GPR137C: variants seen among roughly 807,000 people sequenced by gnomAD.
The protein encoded by GPR137C is G protein-coupled receptor 137C, also known as integral membrane protein GPR137C.
Under a neutral mutation model 43.4 loss-of-function variants are expected in GPR137C, and 27 were observed. That is an observed-to-expected ratio of 0.62 (90% CI 0.46 to 0.86). GPR137C has a LOEUF of 0.86. Ranked by LOEUF, GPR137C falls within the 40% of genes least tolerant of loss-of-function variation. The probability of loss-of-function intolerance (pLI) is 0.00; values close to 1 mark genes in which losing one functional copy is unlikely to be tolerated. For missense variants in GPR137C, 522 were observed against 534.6 expected (o/e 0.98, Z 0.23); for synonymous variants, 285 against 226.9 (o/e 1.26, Z -2.30).
intron 1 of GPR137C, among the ~76,000 whole-genome samples, chr14:52,594,600 T>C (rs1250704752): frequency 6.6e-6 from 1 of 152,244 alleles, no homozygotes; most frequent in Non-Finnish European, 1.5e-5. Flanking sequence ...TTGATCTTTG[T>C]TGGTTTAAAG....
chr14:52,636,038 C>T lies in GPR137C; in HGVS notation c.*923C>T, dbSNP rs1370284107. The T allele has an allele frequency of 6.6e-6, 1 of 152,024 alleles. No individual in the cohort carries two copies. The highest frequency in any genetic ancestry group is 6.6e-5 in the Admixed American group (1 of 15,246). 9.4% of individuals were successfully genotyped at this position (152,024 alleles called of 1,614,324 possible). On this transcript the variant is annotated 3_prime_UTR_variant, in exon 7 of 7. Coordinates refer to ENST00000321662, the MANE Select transcript of GPR137C (RefSeq NM_001099652.2). Reference sequence around the variant, plus strand: ...CTGAAGCATGATATAGCTGGTCTTACCTAGTGAATCAGGATTGTCCTCAGG... The same window carrying T: ...CTGAAGCATGATATAGCTGGTCTTATCTAGTGAATCAGGATTGTCCTCAGG...
At chr14:52,569,097 A>G (rs1198868949) in intron 1 of GPR137C, among the ~76,000 whole-genome samples, 1 of 152,192 alleles carries the variant, frequency 6.6e-6, no homozygotes, top group Non-Finnish European at 1.5e-5. Context: ...CTTCCAGAGG[A>G]AGGTACAGAC....
At chr14:52,627,537 A>G (rs1594809165) in intron 3 of GPR137C, among the ~76,000 whole-genome samples, 1 of 152,040 alleles carries the variant, frequency 6.6e-6, no homozygotes, top group South Asian at 2.1e-4. Flanking sequence ...GACAATGCAG[A>G]TGATCTAAAT....
rs548013410 is a variant in GPR137C, at chr14:52,627,591, A to T, written c.718-4569A>T. 1.8e-4 allele frequency among the ~76,000 whole-genome samples: 28 copies of T among 152,256 alleles called. 1 individual carries two copies. In the South Asian group the frequency reaches 4.6e-3, roughly 25 times the overall value. ...GGGCAGTGCGGTGGCTCACGTCTGT[A>T]ATCCCAGCACTTTGGGAGGCCGAGG... On this transcript the variant is annotated intron_variant, in intron 3 of 6. Transcript: ENST00000321662.
At chr14:52,614,628 C>T (rs2039078139) in intron 3 of GPR137C, among the ~76,000 whole-genome samples, 1 of 152,072 alleles carries the variant, frequency 6.6e-6, no homozygotes, top group South Asian at 2.1e-4. Context: ...GCTGGGACTA[C>T]AGGCATGTGC....
At chr14:52,601,867 T>C (rs545267093) in intron 3 of GPR137C, among the ~76,000 whole-genome samples, 12 of 152,096 alleles carry the variant, frequency 7.9e-5, no homozygotes. Context: ...TAGATAATAC[T>C]CTGAATAAAA....
intron 1 of GPR137C, 105 bp downstream of exon 1, chr14:52,553,696 G>T (rs541963216): frequency 1.6e-4 from 148 of 921,166 alleles, no homozygotes; most frequent in Non-Finnish European, 2.2e-4. Context: ...AGCGAGAGGC[G>T]GACTGGAAAC....
chr14:52,558,640 T>TA (rs1233329308), intron 1 of GPR137C, among the ~76,000 whole-genome samples: 2 of 152,116 alleles, frequency 1.3e-5, no homozygotes, highest in Non-Finnish European at 1.5e-5. Context: ...GGGTTCAGAA[T>TA]AAAAAATCAC....
intron 1 of GPR137C, among the ~76,000 whole-genome samples, chr14:52,567,161 C>T (rs967792053): frequency 6.6e-6 from 1 of 152,048 alleles, no homozygotes; most frequent in African/African-American, 2.4e-5. Context: ...TAGTTAAGAA[C>T]TTGGGCACTG....
chr14:52,566,129 T>C (rs2038366014), intron 1 of GPR137C, among the ~76,000 whole-genome samples: 4 of 152,192 alleles, frequency 2.6e-5, no homozygotes, highest in South Asian at 2.1e-4. Flanking sequence ...TTAAAACTGA[T>C]CAAAATTTAT....
At chr14:52,574,843 G>T (rs557209302) in intron 1 of GPR137C, among the ~76,000 whole-genome samples, 3 of 151,998 alleles carry the variant, frequency 2.0e-5, no homozygotes, top group Non-Finnish European at 2.9e-5. Flanking sequence ...GGTGAATCTG[G>T]TGCTGCCTCT....
chr14:52,594,461 T>C (rs999465848), intron 1 of GPR137C, among the ~76,000 whole-genome samples: 1 of 152,172 alleles, frequency 6.6e-6, no homozygotes. Context: ...TAAGTCTCTT[T>C]GTAGATCTCT....
At chr14:52,603,601 C>G (rs974459468) in intron 3 of GPR137C, among the ~76,000 whole-genome samples, 1 of 152,138 alleles carries the variant, frequency 6.6e-6, no homozygotes, top group Admixed American at 6.6e-5. Flanking sequence ...GTGGCGCACT[C>G]TTGGTTCGCT....
At chr14:52,583,708 A>G (rs1164366541) in intron 1 of GPR137C, among the ~76,000 whole-genome samples, 2 of 152,178 alleles carry the variant, frequency 1.3e-5, no homozygotes, top group African/African-American at 4.8e-5. Flanking sequence ...GTGCCATCTG[A>G]TTAGATCATC....
At chr14:52,561,442 A>G (rs2038282376) in intron 1 of GPR137C, among the ~76,000 whole-genome samples, 1 of 152,144 alleles carries the variant, frequency 6.6e-6, no homozygotes, top group Admixed American at 6.5e-5. Flanking sequence ...ACCCTGTCTC[A>G]AAACAAAACT....
chr14:52,577,056 G>GGCGCACAT (rs59291339), intron 1 of GPR137C, among the ~76,000 whole-genome samples: 2 of 151,110 alleles, frequency 1.3e-5, no homozygotes, highest in African/African-American at 4.9e-5. Context: ...CAGGCGTGGT[G>GGCGCACAT]CTGTAGTCCC....
intron 1 of GPR137C, among the ~76,000 whole-genome samples, chr14:52,575,699 TATATC>T (rs1287697834): frequency 1.3e-5 from 2 of 152,148 alleles, no homozygotes; most frequent in African/African-American, 4.8e-5. Flanking sequence ...AATGTACAAA[TATATC>T]AAAGAAAACC....
chr14:52,592,159 G>C (rs1196217721), intron 1 of GPR137C, among the ~76,000 whole-genome samples: 2 of 152,126 alleles, frequency 1.3e-5, no homozygotes, highest in African/African-American at 2.4e-5. Flanking sequence ...ATTTCTGAGG[G>C]CTCTGTTCTG....
At chr14:52,564,829 C>T (rs1044739897) in intron 1 of GPR137C, among the ~76,000 whole-genome samples, 1 of 151,936 alleles carries the variant, frequency 6.6e-6, no homozygotes, top group African/African-American at 2.4e-5. Context: ...TCACCATATC[C>T]CAAATAGCAT....
Sources: gnomAD v4.1 joint callset for allele counts (sites outside exome capture counted in the v4.1 genomes callset) on GRCh38, gnomAD v4.1.1 for gene constraint, MANE v1.5 for transcripts, NCBI Gene and HGNC (gene_info 2026-07-23, HGNC 2026-07-21) for gene names.